CLASRP: variants seen among roughly 807,000 people sequenced by gnomAD.
CLASRP encodes the protein CLK4 associating serine/arginine rich protein.
Under a neutral mutation model 99.9 loss-of-function variants are expected in CLASRP, and 52 were observed. That is an observed-to-expected ratio of 0.52 (90% CI 0.42 to 0.66). The LOEUF is 0.66. Among genes scored for constraint, CLASRP ranks in the 30% least tolerant of loss-of-function variants. CLASRP has a pLI of 0.00. For synonymous variants in CLASRP, 379 were observed against 373.0 expected (o/e 1.02, Z -0.18); for missense variants, 848 against 999.2 (o/e 0.85, Z 2.04).
Position 45,070,557 on chromosome 19 carries a change from C to G in CLASRP, c.1978C>G (p.Arg660Gly). The change falls in exon 20 of 21, where the codon CGA becomes GGA. Residue 660 changes from arginine (R) to glycine (G), a missense_variant. Arg to Gly is a moderately radical substitution (Grantham distance 125). Around this residue, in one of 8 missense-constraint regions of CLASRP, gnomAD observed 116 missense variants for 162.7 expected, o/e 0.71. Coordinates refer to ENST00000221455, the MANE Select transcript of CLASRP (RefSeq NM_007056.3). ...TCCAGGTCGAGAATACAGCTCTTCT[C>G]GAAGGTAAGGAAGCCCATGACCCTC... ...PRYSREYSSS[R>G]RRSRSRSRSP... The G allele has an allele frequency of 1.9e-6, 3 of 1,613,640 alleles. No homozygotes were observed. The highest frequency in any genetic ancestry group is 2.5e-6 in the Non-Finnish European group (3 of 1,179,612).
intron 2 of CLASRP, among the ~76,000 whole-genome samples, chr19:45,044,519 CCT>C (rs571819766): frequency 7.3e-4 from 111 of 152,320 alleles, no homozygotes; most frequent in Middle Eastern, 3.4e-3. Context: ...TGACCCTTAA[CCT>C]CTCTAAGCTT....
chr19:45,058,340 G>C (rs546073244), intron 7 of CLASRP: 3 of 162,226 alleles, frequency 1.8e-5, no homozygotes, highest in African/African-American at 7.2e-5. Context: ...AAGTCTCTCT[G>C]TTTTTCTCAT....
At chr19:45,063,031 C>T (rs560821102) in intron 11 of CLASRP, among the ~76,000 whole-genome samples, 4 of 151,836 alleles carry the variant, frequency 2.6e-5, no homozygotes, top group Non-Finnish European at 4.4e-5. Flanking sequence ...GGCTGTGGGT[C>T]GAGGTTAGAT....
chr19:45,053,305 C>A, intron 5 of CLASRP, 128 bp downstream of exon 5: 1 of 828,342 alleles, frequency 1.2e-6, no homozygotes. Flanking sequence ...CCGGCTCCAG[C>A]TCTACGATAG....
At chr19:45,069,791 C>A in intron 18 of CLASRP, 1 of 550,678 alleles carries the variant, frequency 1.8e-6, no homozygotes, top group Non-Finnish European at 3.2e-6. Flanking sequence ...ATGGGACTAT[C>A]CTGCCTCCCT....
chr19:45,066,667 C>A (rs746959970), intron 13 of CLASRP, among the ~76,000 whole-genome samples: 1 of 148,464 alleles, frequency 6.7e-6, no homozygotes, highest in African/African-American at 2.5e-5. Context: ...GCAGAGTCAG[C>A]GTGTGGCCCA....
chr19:45,051,368 CGG>C (rs1972020166), intron 2 of CLASRP, among the ~76,000 whole-genome samples: 2 of 151,868 alleles, frequency 1.3e-5, no homozygotes, highest in African/African-American at 4.8e-5. Context: ...GGCTAGAGTG[CGG>C]TGACACAATC....
intron 6 of CLASRP, 132 bp from the exon 7 acceptor site, chr19:45,057,618 G>T: frequency 1.0e-6 from 1 of 1,001,368 alleles, no homozygotes; most frequent in Non-Finnish European, 1.5e-6. Context: ...GTGTGGGCAG[G>T]AGCAGAGGGT....
Position 45,064,393 on chromosome 19 carries a change from G to T in CLASRP, c.1172G>T (p.Ser391Ile), listed in dbSNP as rs1340705447. Residue 391 changes from serine to isoleucine, a missense_variant, in exon 13 of 21, where the codon AGC becomes ATC. By Grantham distance (142) the Ser-to-Ile change is moderately radical. This residue lies in a region of CLASRP where 489 missense variants were observed against 434.7 expected (regional missense o/e 1.12). Coordinates refer to ENST00000221455, the MANE Select transcript of CLASRP (RefSeq NM_007056.3). ...TCCTCTTCTGCCTCGAGGACCTCCA[G>T]CTCCCGCTCCAGCTCTCGCTCCAGC... ...SSSSSASRTS[S>I]SRSSSRSSSR... The T allele has an allele frequency of 2.6e-6, 4 of 1,531,702 alleles. No homozygotes were observed. In the South Asian group the frequency reaches 3.6e-5, roughly 14 times the overall value. The allele number at this position is 1,531,702 out of a possible 1,614,324, so 94.9% of individuals were successfully genotyped here.
At chr19:45,055,515 C>T (rs1175963280) in intron 5 of CLASRP, among the ~76,000 whole-genome samples, 2 of 152,220 alleles carry the variant, frequency 1.3e-5, no homozygotes. Context: ...GGCCTGCCAG[C>T]CTGCCCACCT....
intron 16 of CLASRP, among the ~76,000 whole-genome samples, chr19:45,068,855 T>G (rs959681933): frequency 5.3e-5 from 8 of 152,084 alleles, no homozygotes; most frequent in Non-Finnish European, 8.8e-5. Context: ...GCCAGGCATG[T>G]TGGTGGGCGC....
chr19:45,054,117 G>T lies in CLASRP; in HGVS notation c.379+940G>T, dbSNP rs541760528. Among the ~76,000 whole-genome samples the T allele has an allele frequency of 3.3e-5, 5 of 152,362 alleles. No individual in the cohort carries two copies. In the South Asian group the frequency reaches 1.0e-3, roughly 32 times the overall value. On this transcript the variant is annotated intron_variant, in intron 5 of 20. Coordinates refer to ENST00000221455, the MANE Select transcript of CLASRP (RefSeq NM_007056.3). ...GTCATTTTCCAAATGAGGAAACAGAGGCTCAGGGAAACTTCTCGCTGCTCT... is the reference window on the plus strand; with the variant it reads ...GTCATTTTCCAAATGAGGAAACAGATGCTCAGGGAAACTTCTCGCTGCTCT...
rs756241064 is a variant in CLASRP, at chr19:45,064,348, G to GCTCCTCCTCCTC, written c.1140_1151dup (p.Ser382_Ser385dup). On this transcript the variant is annotated inframe_insertion, in exon 13 of 21. Coordinates refer to ENST00000221455, the MANE Select transcript of CLASRP (RefSeq NM_007056.3). ...CCTCCGTGCCCCGCCTGCAGCCGCC[G>GCTCCTCCTCCTC]CTCCTCCTCCTCCTCCTCCTCCTCT... The GCTCCTCCTCCTC allele has an allele frequency of 4.6e-6, 7 of 1,525,918 alleles. No homozygotes were observed. In the South Asian group the frequency reaches 4.8e-5, roughly 11 times the overall value. The allele number at this position is 1,525,918 out of a possible 1,614,324, so 94.5% of individuals were successfully genotyped here.
chr19:45,066,356 G>A (rs907293040), intron 13 of CLASRP, among the ~76,000 whole-genome samples: 3 of 152,144 alleles, frequency 2.0e-5, no homozygotes, highest in African/African-American at 7.2e-5. Context: ...CTGACCTCAT[G>A]ATCCACCCAC....
chr19:45,060,056 C>T lies in CLASRP; in HGVS notation c.711-333C>T, dbSNP rs1460844025. ...CTAGATACCCTGTTTTGTGTGGCTT[C>T]CCTGAGCTCCCTCTTGAAAACTGCA... On this transcript the variant is annotated intron_variant, in intron 8 of 20. Transcript: ENST00000221455. This position sits in a 1 kb window ranked among gnomAD's most constrained non-coding sequence, Gnocchi z 4.6. Among the ~76,000 whole-genome samples, 1 of 152,178 alleles carries T rather than the reference C, an allele frequency of 6.6e-6. No individual in the cohort carries two copies. Among genetic ancestry groups the T allele is most frequent in the African/African-American group, 2.4e-5 (1 of 41,444 alleles).
chr19:45,068,433 C>T lies in CLASRP; in HGVS notation c.1721C>T (p.Pro574Leu). The change falls in exon 16 of 21, where the codon CCT (proline) becomes CTT (leucine). Residue 574 changes from proline to leucine, a missense_variant. Pro to Leu is a moderately conservative substitution (Grantham distance 98, BLOSUM62 -3). Coordinates refer to ENST00000221455, the MANE Select transcript of CLASRP (RefSeq NM_007056.3). ...CCCCCTCCCCAGCCCAAGCTGACGC[C>T]TCAGGAGAAGCTGAAACTGAGGATG... is the stretch of plus-strand genomic sequence containing the variant. ...ETGAAKPKLT[P>L]QEKLKLRMQK... 6.2e-7 allele frequency: 1 copy of T among 1,612,398 alleles called. No homozygotes were observed. Among genetic ancestry groups the T allele is most frequent in the Non-Finnish European group, 8.5e-7 (1 of 1,178,472 alleles).
At position 45,067,492 on chromosome 19, in the gene CLASRP, G is replaced by T. The variant is rs746477902; in HGVS notation, c.1565G>T (p.Arg522Leu). The T allele has an allele frequency of 4.5e-6, 7 of 1,572,418 alleles. No individual in the cohort carries two copies. Among genetic ancestry groups the T allele is most frequent in the Non-Finnish European group, 6.0e-6 (7 of 1,164,598 alleles). Residue 522 changes from arginine to leucine, a missense_variant, in exon 14 of 21, where the codon CGC becomes CTC. Arg to Leu is a moderately radical substitution (Grantham distance 102). This residue lies in a region of CLASRP where 489 missense variants were observed against 434.7 expected (regional missense o/e 1.12). Transcript: ENST00000221455. The surrounding 1 kb of genome is among the most constrained non-coding windows in gnomAD (Gnocchi z 4.9). The part of the protein sequence containing the change: ...RSHSPSPSQS[R>L]SRSRSRSQSP... Reference sequence around the variant, plus strand: ...CATAGCCCCAGCCCCAGCCAGAGCCGCAGCCGCAGCCGCAGCCGCAGCCAG... The same window carrying T: ...CATAGCCCCAGCCCCAGCCAGAGCCTCAGCCGCAGCCGCAGCCGCAGCCAG...
In CLASRP at chr19:45,064,498, G is replaced by A. The variant is rs974206088; in HGVS notation, c.1277G>A (p.Arg426His). The A allele has an allele frequency of 1.0e-5, 16 of 1,536,302 alleles. No individual in the cohort carries two copies. The highest frequency in any genetic ancestry group is 1.3e-5 in the Non-Finnish European group (15 of 1,145,816). Residue 426 changes from arginine (R) to histidine (H), a missense_variant, in exon 13 of 21, where the codon CGC (arginine) becomes CAC (histidine). By Grantham distance (29) the Arg-to-His change is conservative. Coordinates refer to ENST00000221455, the MANE Select transcript of CLASRP (RefSeq NM_007056.3). ...RSRSRSWSRS[R>H]SRSRRYSRSR... ...CGGTCCCGCTCCTGGTCCCGCTCCCGCTCCCGCTCCCGGCGCTATTCCCGG... is the reference window on the plus strand; with the variant it reads ...CGGTCCCGCTCCTGGTCCCGCTCCCACTCCCGCTCCCGGCGCTATTCCCGG...
chr19:45,067,643 A>T lies in CLASRP; in HGVS notation c.1667+49A>T, dbSNP rs749805877. On this transcript the variant is annotated intron_variant, in intron 14 of 20. Coordinates refer to ENST00000221455, the MANE Select transcript of CLASRP (RefSeq NM_007056.3). The surrounding 1 kb of genome is among the most constrained non-coding windows in gnomAD (Gnocchi z 4.9). ...AGAGGGCTGCCAATCTCGGGTGGGGAGGGTGAACATCACTGTTTTCTTTTT... is the reference window on the plus strand; with the variant it reads ...AGAGGGCTGCCAATCTCGGGTGGGGTGGGTGAACATCACTGTTTTCTTTTT... 6.7e-7 allele frequency: 1 copy of T among 1,498,130 alleles called. No homozygotes were observed. 92.8% of individuals were successfully genotyped at this position (1,498,130 alleles called of 1,614,324 possible). A position where few individuals can be genotyped will look rare whatever the true frequency, so the allele number is the denominator to read the frequency against.
Sources: gnomAD v4.1 joint callset for allele counts (sites outside exome capture counted in the v4.1 genomes callset) on GRCh38, gnomAD v4.1.1 for gene constraint, gnomAD v4.1.1 regional missense constraint, Gnocchi (gnomAD v3.1) non-coding constraint, MANE v1.5 for transcripts, NCBI Gene and HGNC (gene_info 2026-07-23, HGNC 2026-07-21) for gene names.